Variants in CTXN1 observed in about 807,000 individuals in gnomAD.
The protein encoded by CTXN1 is cortexin-1.
Under a neutral mutation model 5.5 loss-of-function variants are expected in CTXN1, and 4 were observed. That is an observed-to-expected ratio of 0.73 (90% CI 0.36 to 1.68). The LOEUF is 1.68. CTXN1 is among the 40% of genes most tolerant of loss of function. The pLI, the probability that CTXN1 is intolerant of heterozygous loss-of-function variation, is 0.05. For synonymous variants in CTXN1, 67 were observed against 62.8 expected (o/e 1.07, Z -0.32); for missense variants, 111 against 123.0 (o/e 0.90, Z 0.46).
At position 7,925,165 on chromosome 19, in the gene CTXN1, C is replaced by T. The variant is rs945768722; in HGVS notation, c.*125G>A. ...GGGCTGGGCTTCTCCCAACTCCCTCCCCCTCTCCCCCGGGCTGGGGGCTCC... is the reference window on the plus strand; with the variant it reads ...GGGCTGGGCTTCTCCCAACTCCCTCTCCCTCTCCCCCGGGCTGGGGGCTCC... On this transcript the variant is annotated 3_prime_UTR_variant, in exon 2 of 2. Coordinates refer to ENST00000318978, the MANE Select transcript of CTXN1 (RefSeq NM_206833.4). This position sits in a 1 kb window ranked among gnomAD's most constrained non-coding sequence, Gnocchi z 5.0. 3.0e-5 allele frequency: 21 copies of T among 696,842 alleles called. No individual in the cohort carries two copies. The Middle Eastern group carries it at 3.2e-3, about 106-fold the overall frequency. The allele number at this position is 696,842 out of a possible 1,614,324, so 43.2% of individuals were successfully genotyped here.
rs563004970 is a variant in CTXN1, at chr19:7,925,582, G to T, written c.-20-24C>A. 1.5e-6 allele frequency: 2 copies of T among 1,321,422 alleles called. No homozygotes were observed. The highest frequency in any genetic ancestry group is 1.9e-6 in the Non-Finnish European group (2 of 1,042,720). 81.9% of individuals were successfully genotyped at this position (1,321,422 alleles called of 1,614,324 possible). On this transcript the variant is annotated intron_variant, in intron 1 of 1. Coordinates refer to ENST00000318978, the MANE Select transcript of CTXN1 (RefSeq NM_206833.4). This position sits in a 1 kb window ranked among gnomAD's most constrained non-coding sequence, Gnocchi z 5.0. ...CCCTGCGGAGGAGGGGACCCGCCCC[G>T]GGCGCCGGGGATGAGGCTGCGCCCT...
chr19:7,925,530 C>T lies in CTXN1; in HGVS notation c.9G>A (p.Ala3=), dbSNP rs1437505724. The T allele has an allele frequency of 2.1e-6, 3 of 1,454,772 alleles. No individual in the cohort carries two copies. In the African/African-American group the frequency reaches 4.4e-5, roughly 21 times the overall value. 90.1% of individuals were successfully genotyped at this position (1,454,772 alleles called of 1,614,324 possible). A position where few individuals can be genotyped will look rare whatever the true frequency, so the allele number is the denominator to read the frequency against. MS[A]TWTLSPEPLP... is the part of the protein sequence containing the mutation. Reference sequence around the variant, plus strand: ...GGGGCTCCGGCGACAGCGTCCACGTCGCGCTCATGGCTCACATCGCCGCGC... The same window carrying T: ...GGGGCTCCGGCGACAGCGTCCACGTTGCGCTCATGGCTCACATCGCCGCGC... Residue 3 remains alanine (A), a synonymous_variant, in exon 2 of 2, where the codon GCG becomes GCA. Transcript: ENST00000318978. The surrounding 1 kb of genome is among the most constrained non-coding windows in gnomAD (Gnocchi z 5.0).
Position 7,925,226 on chromosome 19 carries a change from C to G in CTXN1, c.*64G>C. On this transcript the variant is annotated 3_prime_UTR_variant, in exon 2 of 2. Transcript: ENST00000318978. The surrounding 1 kb of genome is among the most constrained non-coding windows in gnomAD (Gnocchi z 5.0). ...CCTGAGCGCAGTCCTGGCCCCGCGG[C>G]GCCCCCCGCCGGGCCGGCCCTCTGA... is the stretch of plus-strand genomic sequence containing the variant. 47 of 1,184,846 alleles carry G rather than the reference C, an allele frequency of 4.0e-5. No homozygotes were observed. Among genetic ancestry groups the G allele is most frequent in the Middle Eastern group, 3.2e-4 (1 of 3,104 alleles). The allele number at this position is 1,184,846 out of a possible 1,614,324, so 73.4% of individuals were successfully genotyped here.
chr19:7,925,785 G>A lies in CTXN1; in HGVS notation c.-21+182C>T, dbSNP rs1242837291. Among the ~76,000 whole-genome samples, 3 of 151,490 alleles carry A rather than the reference G, an allele frequency of 2.0e-5. No homozygotes were observed. The highest frequency in any genetic ancestry group is 7.3e-5 in the African/African-American group (3 of 41,360). The stretch of plus-strand genomic sequence containing the variant: ...ACTCTGGCCGTGCGCGCAGGTGGGG[G>A]CGCTGAGAGCCGGGAAACGGAGCCG... On this transcript the variant is annotated intron_variant, in intron 1 of 1. Coordinates refer to ENST00000318978, the MANE Select transcript of CTXN1 (RefSeq NM_206833.4). The surrounding 1 kb of genome is among the most constrained non-coding windows in gnomAD (Gnocchi z 5.0).
In CTXN1 at chr19:7,925,040, C is replaced by A. The variant is rs1340977556; in HGVS notation, c.*250G>T. ...GAGTCGGGGGTGGGGGCCAGCCGGG[C>A]GGGTGAGATGCGCAGAGAGGAAGGG... is the stretch of plus-strand genomic sequence containing the variant. On this transcript the variant is annotated 3_prime_UTR_variant, in exon 2 of 2. Transcript: ENST00000318978. This position sits in a 1 kb window ranked among gnomAD's most constrained non-coding sequence, Gnocchi z 5.0. 1.8e-5 allele frequency: 6 copies of A among 334,386 alleles called. No homozygotes were observed. Among genetic ancestry groups the A allele is most frequent in the Admixed American group, 4.9e-5 (1 of 20,374 alleles). 20.7% of individuals were successfully genotyped at this position (334,386 alleles called of 1,614,324 possible).
At position 7,925,194 on chromosome 19, in the gene CTXN1, G is replaced by T; in HGVS notation, c.*96C>A. 2.0e-6 allele frequency: 2 copies of T among 1,002,094 alleles called. No individual in the cohort carries two copies. The highest frequency in any genetic ancestry group is 2.6e-6 in the Non-Finnish European group (2 of 775,860). The allele number at this position is 1,002,094 out of a possible 1,614,324, so 62.1% of individuals were successfully genotyped here. A position where few individuals can be genotyped will look rare whatever the true frequency, so the allele number is the denominator to read the frequency against. ...TCTCCCCCGGGCTGGGGGCTCCGGG[G>T]CGGGATCCTGAGCGCAGTCCTGGCC... On this transcript the variant is annotated 3_prime_UTR_variant, in exon 2 of 2. Coordinates refer to ENST00000318978, the MANE Select transcript of CTXN1 (RefSeq NM_206833.4). This position sits in a 1 kb window ranked among gnomAD's most constrained non-coding sequence, Gnocchi z 5.0.
chr19:7,925,259 G>A lies in CTXN1; in HGVS notation c.*31C>T, dbSNP rs1198033161. On this transcript the variant is annotated 3_prime_UTR_variant, in exon 2 of 2. Coordinates refer to ENST00000318978, the MANE Select transcript of CTXN1 (RefSeq NM_206833.4). The surrounding 1 kb of genome is among the most constrained non-coding windows in gnomAD (Gnocchi z 5.0). ...GCCGGGCCGGCCCTCTGAGACCCCG[G>A]CGCAGGGCCGGCTAGGGGGCGCCGC... The A allele has an allele frequency of 7.8e-7, 1 of 1,289,768 alleles. No homozygotes were observed. The highest frequency in any genetic ancestry group is 9.8e-7 in the Non-Finnish European group (1 of 1,018,976). The allele number at this position is 1,289,768 out of a possible 1,614,324, so 79.9% of individuals were successfully genotyped here.
At position 7,925,437 on chromosome 19, in the gene CTXN1, G is replaced by T; in HGVS notation, c.102C>A (p.Phe34Leu). ...CCAGCACCACGAGCAGGCAGAGCACGAAGGCGAACACCGTGCGCTGCTCCG... is the reference window on the plus strand; with the variant it reads ...CCAGCACCACGAGCAGGCAGAGCACTAAGGCGAACACCGTGCGCTGCTCCG... ...LDAEQRTVFA[F>L]VLCLLVVLVL... is the part of the protein sequence containing the mutation. The change falls in exon 2 of 2, where the codon TTC (phenylalanine) becomes TTA (leucine). Residue 34 changes from phenylalanine to leucine, a missense_variant. Transcript: ENST00000318978. The surrounding 1 kb of genome is among the most constrained non-coding windows in gnomAD (Gnocchi z 5.0). 6.3e-7 allele frequency: 1 copy of T among 1,586,300 alleles called. No individual in the cohort carries two copies.
exon 1 of CTXN1, chr19:7,926,118 CCGAGGCAGGCAAGCAGCGCG>C (rs1424940737): frequency 6.8e-6 from 1 of 147,686 alleles, no homozygotes; most frequent in Non-Finnish European, 1.5e-5. Context: ...GCGGCGGAGA[CCGAGGCAGGCAAGCAGCGCG>C]CGAGCCGGGC....
rs1983762358 is a variant in CTXN1, at chr19:7,925,647, G to A, written c.-20-89C>T. 11 of 1,102,772 alleles carry A rather than the reference G, an allele frequency of 1.0e-5. No homozygotes were observed. Among genetic ancestry groups the A allele is most frequent in the Non-Finnish European group, 1.3e-5 (11 of 863,260 alleles). 68.3% of individuals were successfully genotyped at this position (1,102,772 alleles called of 1,614,324 possible). ...CTCCGCTTCGCCCCCTCCTGCCGCCGCCGCCGCCGCCTCCCTTAACGTGCC... is the reference window on the plus strand; with the variant it reads ...CTCCGCTTCGCCCCCTCCTGCCGCCACCGCCGCCGCCTCCCTTAACGTGCC... On this transcript the variant is annotated intron_variant, in intron 1 of 1. Coordinates refer to ENST00000318978, the MANE Select transcript of CTXN1 (RefSeq NM_206833.4). This position sits in a 1 kb window ranked among gnomAD's most constrained non-coding sequence, Gnocchi z 5.0.
chr19:7,925,187 C>A lies in CTXN1; in HGVS notation c.*103G>T. 1 of 932,418 alleles carries A rather than the reference C, an allele frequency of 1.1e-6. No homozygotes were observed. The highest frequency in any genetic ancestry group is 4.4e-5 in the Admixed American group (1 of 22,986). 57.8% of individuals were successfully genotyped at this position (932,418 alleles called of 1,614,324 possible). A position where few individuals can be genotyped will look rare whatever the true frequency, so the allele number is the denominator to read the frequency against. ...CTCCCCCTCTCCCCCGGGCTGGGGG[C>A]TCCGGGGCGGGATCCTGAGCGCAGT... On this transcript the variant is annotated 3_prime_UTR_variant, in exon 2 of 2. Coordinates refer to ENST00000318978, the MANE Select transcript of CTXN1 (RefSeq NM_206833.4). This position sits in a 1 kb window ranked among gnomAD's most constrained non-coding sequence, Gnocchi z 5.0.
At position 7,924,976 on chromosome 19, in the gene CTXN1, AG is replaced by A. The variant is rs200492146; in HGVS notation, c.*313del. On this transcript the variant is annotated 3_prime_UTR_variant, in exon 2 of 2. Transcript: ENST00000318978. ...TAGCAGAGCCACTTACACGCTGGGGAGGGGGCGGTGCGGGGGTCCTCCTCCC... is the reference window on the plus strand; with the variant it reads ...TAGCAGAGCCACTTACACGCTGGGGAGGGGCGGTGCGGGGGTCCTCCTCCC... 3.0e-3 allele frequency: 642 copies of A among 215,994 alleles called. 8 individuals are homozygous for A. The East Asian group carries it at 0.034, about 11-fold the overall frequency. 13.4% of individuals were successfully genotyped at this position (215,994 alleles called of 1,614,324 possible).
At position 7,925,939 on chromosome 19, in the gene CTXN1, A is replaced by ACCGCCC. The variant is rs1983772778; in HGVS notation, c.-21+22_-21+27dup. 1 of 139,742 alleles carries ACCGCCC rather than the reference A, an allele frequency of 7.2e-6. No homozygotes were observed. Among genetic ancestry groups the ACCGCCC allele is most frequent in the Non-Finnish European group, 1.6e-5 (1 of 63,656 alleles). 8.7% of individuals were successfully genotyped at this position (139,742 alleles called of 1,614,324 possible). ...TCGGCGGCCTGGGACCCCCTCCCCC[A>ACCGCCC]CCGCCCCCGCCCCGGCGCGCCCCTC... On this transcript the variant is annotated intron_variant, in intron 1 of 1. Transcript: ENST00000318978. This position sits in a 1 kb window ranked among gnomAD's most constrained non-coding sequence, Gnocchi z 5.0.
Position 7,925,848 on chromosome 19 carries a change from C to A in CTXN1, c.-21+119G>T, listed in dbSNP as rs2080862523. On this transcript the variant is annotated intron_variant, in intron 1 of 1. Transcript: ENST00000318978. This position sits in a 1 kb window ranked among gnomAD's most constrained non-coding sequence, Gnocchi z 5.0. ...GCCGCACACAACAGGTGCGAAAGCG[C>A]GGCCGCGGCCCGGGCGCGCGGCGTG... 9.8e-6 allele frequency: 2 copies of A among 203,468 alleles called. No homozygotes were observed. Among genetic ancestry groups the A allele is most frequent in the Middle Eastern group, 3.2e-3 (2 of 626 alleles). The allele number at this position is 203,468 out of a possible 1,614,324, so 12.6% of individuals were successfully genotyped here. A position where few individuals can be genotyped will look rare whatever the true frequency, so the allele number is the denominator to read the frequency against.
Position 7,925,130 on chromosome 19 carries a change from C to CGA in CTXN1, c.*158_*159dup. ...CCAGGAAGGGACATGGGAGGGGTCT[C>CGA]GAGGGGGAGGGGCTGGGCTTCTCCC... On this transcript the variant is annotated 3_prime_UTR_variant, in exon 2 of 2. Coordinates refer to ENST00000318978, the MANE Select transcript of CTXN1 (RefSeq NM_206833.4). This position sits in a 1 kb window ranked among gnomAD's most constrained non-coding sequence, Gnocchi z 5.0. 2.2e-6 allele frequency: 1 copy of CGA among 463,906 alleles called. No individual in the cohort carries two copies. Among genetic ancestry groups the CGA allele is most frequent in the Non-Finnish European group, 3.5e-6 (1 of 288,976 alleles). The allele number at this position is 463,906 out of a possible 1,614,324, so 28.7% of individuals were successfully genotyped here. A position where few individuals can be genotyped will look rare whatever the true frequency, so the allele number is the denominator to read the frequency against.
rs1983718416 is a variant in CTXN1 at position 7,924,658 on chromosome 19, G to C, written c.*632C>G. ...GCACCGGGGCAGGGCGCGCTGACCT[G>C]TCCTGGGGCCCGGGTTGGGGGCAGA... On this transcript the variant is annotated 3_prime_UTR_variant, in exon 2 of 2. Transcript: ENST00000318978. 1 of 152,010 alleles carries C rather than the reference G, an allele frequency of 6.6e-6. No individual in the cohort carries two copies. The highest frequency in any genetic ancestry group is 2.1e-4 in the South Asian group (1 of 4,854). 9.4% of individuals were successfully genotyped at this position (152,010 alleles called of 1,614,324 possible).
chr19:7,924,872 G>A lies in CTXN1; in HGVS notation c.*418C>T, dbSNP rs1462689487. 1 of 156,404 alleles carries A rather than the reference G, an allele frequency of 6.4e-6. No homozygotes were observed. The highest frequency in any genetic ancestry group is 2.4e-5 in the African/African-American group (1 of 41,594). 9.7% of individuals were successfully genotyped at this position (156,404 alleles called of 1,614,324 possible). A position where few individuals can be genotyped will look rare whatever the true frequency, so the allele number is the denominator to read the frequency against. On this transcript the variant is annotated 3_prime_UTR_variant, in exon 2 of 2. Transcript: ENST00000318978. ...AGCCCAAGGACGGGCTCAACACTCA[G>A]TCAAGGTGGGGTTGACGACGGCCAG...
In CTXN1 at chr19:7,926,106, G is replaced by A. The variant is rs966179059; in HGVS notation, c.-160C>T. 49 of 148,542 alleles carry A rather than the reference G, an allele frequency of 3.3e-4. No homozygotes were observed. The East Asian group carries it at 8.8e-3, about 27-fold the overall frequency. The allele number at this position is 148,542 out of a possible 1,614,324, so 9.2% of individuals were successfully genotyped here. A position where few individuals can be genotyped will look rare whatever the true frequency, so the allele number is the denominator to read the frequency against. On this transcript the variant is annotated 5_prime_UTR_variant, in exon 1 of 2. Coordinates refer to ENST00000318978, the MANE Select transcript of CTXN1 (RefSeq NM_206833.4). ...GCTCAGCCCACCCCACCCGCCCCTGGAGCGGCGGAGACCGAGGCAGGCAAG... is the reference window on the plus strand; with the variant it reads ...GCTCAGCCCACCCCACCCGCCCCTGAAGCGGCGGAGACCGAGGCAGGCAAG...
Position 7,925,229 on chromosome 19 carries a change from C to T in CTXN1, c.*61G>A. 1 of 1,230,022 alleles carries T rather than the reference C, an allele frequency of 8.1e-7. No individual in the cohort carries two copies. 76.2% of individuals were successfully genotyped at this position (1,230,022 alleles called of 1,614,324 possible). A position where few individuals can be genotyped will look rare whatever the true frequency, so the allele number is the denominator to read the frequency against. On this transcript the variant is annotated 3_prime_UTR_variant, in exon 2 of 2. Transcript: ENST00000318978. This position sits in a 1 kb window ranked among gnomAD's most constrained non-coding sequence, Gnocchi z 5.0. ...GAGCGCAGTCCTGGCCCCGCGGCGC[C>T]CCCCGCCGGGCCGGCCCTCTGAGAC...
Sources: allele counts gnomAD v4.1 joint callset (sites outside exome capture counted in the v4.1 genomes callset), GRCh38; gene constraint gnomAD v4.1.1; non-coding constraint Gnocchi (gnomAD v3.1); transcripts MANE v1.5; gene names NCBI Gene and HGNC (gene_info 2026-07-23, HGNC 2026-07-21).